Variants in CTNNA2 observed in about 807,000 individuals in gnomAD.
CTNNA2 encodes catenin alpha 2, also known as catenin alpha-2.
CTNNA2 carries 42 observed loss-of-function variants against 101.0 expected under a neutral mutation model. The ratio of observed to expected loss-of-function variants is 0.42; its 90% CI spans 0.32 to 0.54. The LOEUF (loss-of-function observed/expected upper bound fraction) is 0.54, where lower values mean the gene tolerates loss of function less well. Among genes scored for constraint, CTNNA2 ranks in the 20% least tolerant of loss-of-function variants. CTNNA2 has a pLI of 0.14. For missense variants in CTNNA2, 871 were observed against 1,223.1 expected (o/e 0.71, Z 4.29); for synonymous variants, 450 against 456.4 (o/e 0.99, Z 0.18).
At chr2:80,238,861 G>A (rs116352792) in intron 7 of CTNNA2, among the ~76,000 whole-genome samples, 4 of 152,156 alleles carry the variant, frequency 2.6e-5, no homozygotes, top group Non-Finnish European at 5.9e-5. Context: ...GGATAAATCA[G>A]ATCAATTACT....
At chr2:80,411,727 C>G (rs1679589247) in intron 8 of CTNNA2, among the ~76,000 whole-genome samples, 1 of 152,108 alleles carries the variant, frequency 6.6e-6, no homozygotes, top group Admixed American at 6.5e-5. Flanking sequence ...CCTGCCACTG[C>G]CATCTGTTAG....
chr2:80,043,188 T>A (rs1450991272), intron 7 of CTNNA2, among the ~76,000 whole-genome samples: 2 of 124,754 alleles, frequency 1.6e-5, no homozygotes, highest in Admixed American at 9.7e-5. Context: ...CTTCCTTTCT[T>A]TCTTTCTTTC....
chr2:79,899,733 C>T (rs541044827), intron 6 of CTNNA2, among the ~76,000 whole-genome samples: 37 of 152,166 alleles, frequency 2.4e-4, no homozygotes, highest in Middle Eastern at 3.4e-3. Context: ...TATATGCCTG[C>T]GAAGCAAAAG....
chr2:80,123,302 C>G (rs1701945920), intron 7 of CTNNA2, among the ~76,000 whole-genome samples: 1 of 152,110 alleles, frequency 6.6e-6, no homozygotes, highest in Admixed American at 6.5e-5. Flanking sequence ...CTTAATGAAG[C>G]AGACAAGTGC....
chr2:79,735,723 CCTAT>C (rs1670827611), intron 2 of CTNNA2, among the ~76,000 whole-genome samples: 1 of 152,076 alleles, frequency 6.6e-6, no homozygotes, highest in Admixed American at 6.5e-5. Context: ...CCAGTTCAGT[CCTAT>C]CTTAGATAAT....
At chr2:79,402,668 G>C (rs1283105597) in intron 4 of CTNNA2, among the ~76,000 whole-genome samples, 2 of 151,738 alleles carry the variant, frequency 1.3e-5, no homozygotes, top group African/African-American at 4.8e-5. Flanking sequence ...GAAACTGTGG[G>C]TAGGCAAACT....
intron 2 of CTNNA2, among the ~76,000 whole-genome samples, chr2:79,295,960 T>A (rs889072608): frequency 6.6e-6 from 1 of 152,180 alleles, no homozygotes; most frequent in Non-Finnish European, 1.5e-5. Flanking sequence ...TCAACAAAAT[T>A]GTGGGGAAAT....
chr2:79,831,029 C>G (rs989146427), intron 3 of CTNNA2, among the ~76,000 whole-genome samples: 1 of 151,976 alleles, frequency 6.6e-6, no homozygotes, highest in East Asian at 1.9e-4. Context: ...CATTCTTGTC[C>G]CCACCCCTCT....
chr2:79,581,394 G>A (rs1382664526), intron 1 of CTNNA2, among the ~76,000 whole-genome samples: 1 of 152,010 alleles, frequency 6.6e-6, no homozygotes, highest in Non-Finnish European at 1.5e-5. Flanking sequence ...GCATGGTGGT[G>A]GATGCCTGTA....
intron 1 of CTNNA2, among the ~76,000 whole-genome samples, chr2:79,591,399 A>C (rs944377097): frequency 2.6e-5 from 4 of 152,226 alleles, no homozygotes; most frequent in African/African-American, 9.6e-5. Flanking sequence ...TGCTCCTGAC[A>C]TTGATGCATT....
intron 9 of CTNNA2, among the ~76,000 whole-genome samples, chr2:80,453,096 C>T (rs1015822340): frequency 2.0e-5 from 3 of 152,064 alleles, no homozygotes; most frequent in African/African-American, 7.2e-5. Context: ...ACCTGATGTT[C>T]CTGAGGGTAC....
At position 80,257,750 on chromosome 2, in the gene CTNNA2, G is replaced by A. The variant is rs189629813; in HGVS notation, c.1057-135461G>A. On this transcript the variant is annotated intron_variant, in intron 7 of 18. Transcript: ENST00000402739. ...TGGTATATATTGCAACTCTGCCTTC[G>A]GCATTCTGTCAGGAATAAGCAATAA... Among the ~76,000 whole-genome samples the A allele has an allele frequency of 6.4e-4, 98 of 152,174 alleles. 1 individual carries two copies. The highest frequency in any genetic ancestry group is 2.1e-3 in the African/African-American group (89 of 41,454).
At chr2:79,856,343 A>G (rs187490093) in intron 3 of CTNNA2, among the ~76,000 whole-genome samples, 1 of 152,334 alleles carries the variant, frequency 6.6e-6, no homozygotes, top group Admixed American at 6.5e-5. Context: ...TAAAATGGTA[A>G]GAGGTGTTTT....
chr2:79,392,816 C>G (rs1047064078), intron 4 of CTNNA2, among the ~76,000 whole-genome samples: 3 of 152,082 alleles, frequency 2.0e-5, no homozygotes, highest in Non-Finnish European at 4.4e-5. Context: ...GCAGTAGGAC[C>G]TTATTTTTAT....
chr2:79,821,093 T>G (rs1485487373), intron 3 of CTNNA2, among the ~76,000 whole-genome samples: 2 of 152,222 alleles, frequency 1.3e-5, no homozygotes, highest in South Asian at 2.1e-4. Context: ...AATCTTTTCT[T>G]TAGCTTGTCA....
chr2:79,266,832 T>C (rs1247469316), intron 2 of CTNNA2, among the ~76,000 whole-genome samples: 1 of 151,996 alleles, frequency 6.6e-6, no homozygotes, highest in African/African-American at 2.4e-5. Flanking sequence ...AAACATAGGC[T>C]TAGGGCAGGC....
intron 7 of CTNNA2, among the ~76,000 whole-genome samples, chr2:80,077,597 A>C (rs901676728): frequency 5.9e-5 from 9 of 151,902 alleles, no homozygotes; most frequent in Non-Finnish European, 8.8e-5. Context: ...AAAAAAAAAA[A>C]AAAACATAAA....
intron 3 of CTNNA2, among the ~76,000 whole-genome samples, chr2:79,824,051 T>C (rs933388432): frequency 6.6e-6 from 1 of 152,156 alleles, no homozygotes; most frequent in African/African-American, 2.4e-5. Context: ...TGAGATGAGA[T>C]CTTGAAAAGC....
intron 6 of CTNNA2, among the ~76,000 whole-genome samples, chr2:79,904,389 CAGAT>C (rs1050841318): frequency 3.2e-4 from 48 of 152,058 alleles, no homozygotes; most frequent in Admixed American, 2.2e-3. Context: ...TTAGGTGACT[CAGAT>C]AGCATAAAAA....
Sources: allele counts gnomAD v4.1 joint callset (sites outside exome capture counted in the v4.1 genomes callset), GRCh38; gene constraint gnomAD v4.1.1; transcripts MANE v1.5; gene names NCBI Gene and HGNC (gene_info 2026-07-23, HGNC 2026-07-21).